DPYS: variants seen among roughly 807,000 people sequenced by gnomAD.
DPYS encodes dihydropyrimidinase, also known as dihydropyrimidine amidohydrolase.
In DPYS, 39 loss-of-function variants were observed where a neutral mutation model predicts 50.3. The ratio of observed to expected loss-of-function variants is 0.78; its 90% CI spans 0.60 to 1.01. DPYS has a LOEUF of 1.01. Among genes scored for constraint, DPYS ranks in the 50% least tolerant of loss-of-function variants. The probability of loss-of-function intolerance (pLI) is 0.00; values close to 1 mark genes in which losing one functional copy is unlikely to be tolerated. For synonymous variants in DPYS, 245 were observed against 250.7 expected, an observed-to-expected ratio of 0.98 and a Z score of 0.22; for missense variants, 659 against 680.9, an observed-to-expected ratio of 0.97 and a Z score of 0.36.
chr8:104,424,031 A>G (rs1812638094), intron 7 of DPYS: 1 of 985,332 alleles, frequency 1.0e-6, no homozygotes, highest in African/African-American at 1.7e-5. Flanking sequence ...CCATTGTCAG[A>G]GAATGCAACA....
At chr8:104,464,541 T>A (rs1158308039) in intron 1 of DPYS, among the ~76,000 whole-genome samples, 3 of 151,988 alleles carry the variant, frequency 2.0e-5, no homozygotes, top group Non-Finnish European at 4.4e-5. Context: ...CAGGTGGGAG[T>A]GTTCAATGGG....
chr8:104,450,004 T>G (rs1813676410), intron 2 of DPYS, among the ~76,000 whole-genome samples: 1 of 152,160 alleles, frequency 6.6e-6, no homozygotes, highest in African/African-American at 2.4e-5. Context: ...TTAGCAAGGT[T>G]TACCAGGTGA....
At chr8:104,466,530 T>G in intron 1 of DPYS, 127 bp downstream of exon 1, 1 of 1,137,436 alleles carries the variant, frequency 8.8e-7, no homozygotes. Flanking sequence ...GCTGCGCTCC[T>G]TCCCGCCCAC....
At chr8:104,399,561 T>C (rs1811717535) in intron 7 of DPYS, among the ~76,000 whole-genome samples, 2 of 151,652 alleles carry the variant, frequency 1.3e-5, no homozygotes, top group Admixed American at 1.3e-4. Flanking sequence ...AGCACCCCAG[T>C]TTTTCTTTAA....
At chr8:104,431,163 A>G (rs1812942136) in intron 4 of DPYS, among the ~76,000 whole-genome samples, 1 of 152,180 alleles carries the variant, frequency 6.6e-6, no homozygotes, top group Admixed American at 6.5e-5. Context: ...GTGCTTTATC[A>G]TTGAGGAAAG....
rs537206879 is a variant in DPYS at position 104,386,020 on chromosome 8, C to T, written c.1444-4706G>A. Among the ~76,000 whole-genome samples the T allele has an allele frequency of 8.5e-5, 13 of 152,266 alleles. No individual in the cohort carries two copies. The East Asian group carries it at 1.9e-3, about 23-fold the overall frequency. On this transcript the variant is annotated intron_variant, in intron 8 of 9. Transcript: ENST00000351513. ...GGTGGCACCTCACCTAGCAGGACAT[C>T]GGTGGTTTACTTTGGTAAATGAGAA...
chr8:104,448,196 C>T (rs569576965), intron 2 of DPYS, among the ~76,000 whole-genome samples: 2 of 149,540 alleles, frequency 1.3e-5, no homozygotes, highest in East Asian at 2.0e-4. Flanking sequence ...TGCTCTGTTG[C>T]CCAGGCTGGA....
chr8:104,444,402 G>A lies in DPYS; in HGVS notation c.639C>T (p.Gly213=), dbSNP rs1279684524. ...GGCGGCACAGCTCGTGGCCCTCAGGGCCTGTTATCCCCAGAGCCAACATCT... is the reference window on the plus strand; with the variant it reads ...GGCGGCACAGCTCGTGGCCCTCAGGACCTGTTATCCCCAGAGCCAACATCT... ...AKKMLALGIT[G]PEGHELCRPE... is the part of the protein sequence containing the mutation. Residue 213 remains glycine (G), a synonymous_variant, in exon 4 of 10, where the codon GGC becomes GGT. Coordinates refer to ENST00000351513, the MANE Select transcript of DPYS (RefSeq NM_001385.3). 17 of 1,614,100 alleles carry A rather than the reference G, an allele frequency of 1.1e-5. No individual in the cohort carries two copies. Among genetic ancestry groups the A allele is most frequent in the Non-Finnish European group, 1.4e-5 (16 of 1,180,046 alleles).
chr8:104,446,287 A>G (rs76259886), intron 3 of DPYS, among the ~76,000 whole-genome samples: 1 of 152,324 alleles, frequency 6.6e-6, no homozygotes, highest in East Asian at 1.9e-4. Flanking sequence ...GGTGAAAAAG[A>G]TATGAAGTTA....
chr8:104,381,883 CATACACACAG>C (rs1187118815), intron 8 of DPYS, among the ~76,000 whole-genome samples: 15 of 125,742 alleles, frequency 1.2e-4, no homozygotes, highest in African/African-American at 5.0e-4. Context: ...CACACACACA[CATACACACAG>C]ACAAATAACA....
rs189637146 is a variant in DPYS, at chr8:104,452,664, A to C, written c.265-1260T>G. On this transcript the variant is annotated intron_variant, in intron 1 of 9. Transcript: ENST00000351513. ...CAAGACTAGCCTGGGCAACATGGTG[A>C]AAACCCCGTCTCTACAAAAATGTAA... Among the ~76,000 whole-genome samples, 351 of 152,238 alleles carry C rather than the reference A, an allele frequency of 2.3e-3. 2 individuals are homozygous for C. The highest frequency in any genetic ancestry group is 7.9e-3 in the African/African-American group (330 of 41,546).
chr8:104,466,977 G>T lies in DPYS; in HGVS notation c.-57C>A. 1 of 1,342,746 alleles carries T rather than the reference G, an allele frequency of 7.4e-7. No individual in the cohort carries two copies. The highest frequency in any genetic ancestry group is 9.6e-7 in the Non-Finnish European group (1 of 1,045,192). 83.2% of individuals were successfully genotyped at this position (1,342,746 alleles called of 1,614,324 possible). A position where few individuals can be genotyped will look rare whatever the true frequency, so the allele number is the denominator to read the frequency against. On this transcript the variant is annotated 5_prime_UTR_variant, in exon 1 of 10. Transcript: ENST00000351513. Reference sequence around the variant, plus strand: ...GGGCTGCGCGCAGGGGCTGGGTTGGGCGGGCCGGGCGGGCTTGGGGTGCCC... The same window carrying T: ...GGGCTGCGCGCAGGGGCTGGGTTGGTCGGGCCGGGCGGGCTTGGGGTGCCC...
rs762693624 is a variant in DPYS at position 104,444,244 on chromosome 8, T to C, written c.793+4A>G. 6.2e-7 allele frequency: 1 copy of C among 1,614,128 alleles called. No homozygotes were observed. The highest frequency in any genetic ancestry group is 8.5e-7 in the Non-Finnish European group (1 of 1,179,982). ...TTCTAAGTGAGGTTACATTCGAGAA[T>C]TACCATCTCTCCTTGCATCCGCTAT... is the stretch of plus-strand genomic sequence containing the variant. On this transcript the variant is annotated splice_donor_region_variant and intron_variant, in intron 4 of 9. Transcript: ENST00000351513.
At chr8:104,405,413 C>G (rs992783528) in intron 7 of DPYS, among the ~76,000 whole-genome samples, 1 of 152,220 alleles carries the variant, frequency 6.6e-6, no homozygotes. Flanking sequence ...GCACTATACT[C>G]TTCACTCATT....
At chr8:104,452,156 C>T (rs1050717329) in intron 1 of DPYS, among the ~76,000 whole-genome samples, 3 of 152,230 alleles carry the variant, frequency 2.0e-5, no homozygotes, top group Non-Finnish European at 4.4e-5. Context: ...TCCCTGCATT[C>T]TGCCTCAACT....
chr8:104,426,958 C>T lies in DPYS; in HGVS notation c.1092+1022G>A, dbSNP rs188408489. On this transcript the variant is annotated intron_variant, in intron 6 of 9. Coordinates refer to ENST00000351513, the MANE Select transcript of DPYS (RefSeq NM_001385.3). ...CTCACGCCTGTCAATCCCAACACTT[C>T]GGGAGGCGAAGGCGGGTGGATCACC... Among the ~76,000 whole-genome samples, 58 of 152,084 alleles carry T rather than the reference C, an allele frequency of 3.8e-4. No individual in the cohort carries two copies. In the South Asian group the frequency reaches 8.7e-3, roughly 23 times the overall value.
At chr8:104,395,143 G>A (rs1278637932) in intron 7 of DPYS, among the ~76,000 whole-genome samples, 2 of 151,684 alleles carry the variant, frequency 1.3e-5, no homozygotes, top group Admixed American at 1.3e-4. Flanking sequence ...CTACAGGCAC[G>A]TGCCACCACA....
chr8:104,410,000 T>C (rs776739226), intron 7 of DPYS, among the ~76,000 whole-genome samples: 6 of 152,304 alleles, frequency 3.9e-5, no homozygotes, highest in Middle Eastern at 3.4e-3. Context: ...GGGTGTTCCT[T>C]ATCTGTCTAA....
At chr8:104,435,781 A>T (rs1336017112) in intron 4 of DPYS, among the ~76,000 whole-genome samples, 1 of 152,156 alleles carries the variant, frequency 6.6e-6, no homozygotes, top group East Asian at 1.9e-4. Context: ...TCACAAAAAA[A>T]TCCTGGTGAA....
Sources: gnomAD v4.1 joint callset for allele counts (sites outside exome capture counted in the v4.1 genomes callset) on GRCh38, gnomAD v4.1.1 for gene constraint, MANE v1.5 for transcripts, NCBI Gene and HGNC (gene_info 2026-07-23, HGNC 2026-07-21) for gene names.